The following BABAM2 variants were observed in gnomAD, a reference collection of about 807,000 sequenced individuals.
The protein encoded by BABAM2 is BRISC and BRCA1 A complex member 2.
BABAM2 carries 31 observed loss-of-function variants against 54.7 expected under a neutral mutation model. The observed-to-expected ratio is 0.57, with a 90% CI of 0.43 to 0.77. The LOEUF (loss-of-function observed/expected upper bound fraction) is 0.77, where lower values mean the gene tolerates loss of function less well. BABAM2 is among the 30% of genes least tolerant of loss of function. The pLI, the probability that BABAM2 is intolerant of heterozygous loss-of-function variation, is 0.00. For missense variants in BABAM2, 364 were observed against 455.8 expected, an observed-to-expected ratio of 0.80 and a Z score of 1.83; for synonymous variants, 167 against 162.9, an observed-to-expected ratio of 1.03 and a Z score of -0.19.
chr2:27,896,006 T>G (rs946058192), intron 2 of BABAM2: 4 of 152,174 alleles, frequency 2.6e-5, no homozygotes, highest in African/African-American at 7.2e-5. Flanking sequence ...TGGGTCCTTT[T>G]GACATATCCC....
At chr2:27,993,985 G>A (rs1365475995) in intron 4 of BABAM2, among the ~76,000 whole-genome samples, 2 of 152,174 alleles carry the variant, frequency 1.3e-5, no homozygotes, top group African/African-American at 4.8e-5. Flanking sequence ...ACGCTATCCC[G>A]ATGGATGGTG....
At chr2:28,150,326 C>G (rs921666246) in intron 7 of BABAM2, among the ~76,000 whole-genome samples, 2 of 152,198 alleles carry the variant, frequency 1.3e-5, no homozygotes, top group African/African-American at 4.8e-5. Context: ...CACATGGCTT[C>G]CTCTTGCCCT....
At chr2:28,245,465 A>AG (rs1374609637) in intron 10 of BABAM2, among the ~76,000 whole-genome samples, 1 of 152,228 alleles carries the variant, frequency 6.6e-6, no homozygotes, top group Non-Finnish European at 1.5e-5. Context: ...TCTGCGTAGT[A>AG]GGCATACCTA....
In BABAM2 at chr2:28,334,642, G is replaced by A. The variant is rs144925929; in HGVS notation, c.1089-3808G>A. 7.8e-3 allele frequency among the ~76,000 whole-genome samples: 1,194 copies of A among 152,360 alleles called. 5 individuals carry two copies. The highest frequency in any genetic ancestry group is 0.012 in the Non-Finnish European group (811 of 68,028). ...TCGATCTCAGACCCTCTGGAGAAGC[G>A]GGGCCACAAGGCTCTCTCCGGCCGC... On this transcript the variant is annotated intron_variant, in intron 11 of 11. Coordinates refer to ENST00000379624, the MANE Select transcript of BABAM2 (RefSeq NM_199191.3).
chr2:28,065,740 G>A (rs1227789578), intron 6 of BABAM2, among the ~76,000 whole-genome samples: 1 of 152,030 alleles, frequency 6.6e-6, no homozygotes. Context: ...GCCCTGCCTG[G>A]TTTTGCCTTT....
At chr2:28,334,304 G>A (rs1691219271) in intron 11 of BABAM2, among the ~76,000 whole-genome samples, 1 of 152,376 alleles carries the variant, frequency 6.6e-6, no homozygotes, top group South Asian at 2.1e-4. Flanking sequence ...GCTTGCCTCG[G>A]GACCCAGTGT....
chr2:28,333,092 G>A lies in BABAM2; in HGVS notation c.1089-5358G>A, dbSNP rs75480151. Among the ~76,000 whole-genome samples the A allele has an allele frequency of 4.6e-3, 698 of 152,030 alleles. 1 individual carries two copies. The highest frequency in any genetic ancestry group is 6.7e-3 in the Non-Finnish European group (456 of 67,970). On this transcript the variant is annotated intron_variant, in intron 11 of 11. Transcript: ENST00000379624. ...TCAGAGCCTCTTCCCCTTGGCCCCA[G>A]CGGGTACCCATGATAATAGTTGACA...
chr2:28,278,520 T>G (rs1270706983), intron 10 of BABAM2, among the ~76,000 whole-genome samples: 1 of 151,744 alleles, frequency 6.6e-6, no homozygotes, highest in African/African-American at 2.4e-5. Context: ...GAGTGGAAAT[T>G]TTAAGAGTAC....
intron 11 of BABAM2, among the ~76,000 whole-genome samples, chr2:28,327,660 C>CA (rs1407524588): frequency 6.6e-6 from 1 of 152,132 alleles, no homozygotes; most frequent in Non-Finnish European, 1.5e-5. Context: ...CTAAATATCT[C>CA]AAACGCAAGG....
chr2:28,254,207 G>C (rs1352785310), intron 10 of BABAM2, among the ~76,000 whole-genome samples: 1 of 152,094 alleles, frequency 6.6e-6, no homozygotes, highest in African/African-American at 2.4e-5. Context: ...TGTTGATCTC[G>C]GCTCATTCCA....
intron 7 of BABAM2, among the ~76,000 whole-genome samples, chr2:28,143,484 G>A (rs1671237834): frequency 2.6e-5 from 4 of 152,094 alleles, no homozygotes; most frequent in Non-Finnish European, 5.9e-5. Flanking sequence ...AATTTGCTAA[G>A]AGAGTAGATT....
At chr2:28,200,092 C>T (rs981113997) in intron 7 of BABAM2, among the ~76,000 whole-genome samples, 1 of 152,180 alleles carries the variant, frequency 6.6e-6, no homozygotes, top group African/African-American at 2.4e-5. Flanking sequence ...TCATACGTAG[C>T]TGGTTTAGAA....
At chr2:27,890,632 CG>C, upstream of BABAM2, 1 of 309,358 alleles carries the variant, frequency 3.2e-6, no homozygotes, top group South Asian at 1.0e-4. The surrounding 1 kb of genome is among the most constrained non-coding windows in gnomAD (Gnocchi z 4.8). Flanking sequence ...TCAGGCACCG[CG>C]GGGACGCCTT....
rs13412616 is a variant in BABAM2, at chr2:28,026,874, T to A, written c.495+1454T>A. Reference sequence around the variant, plus strand: ...TATTTATATATATAGATATATATATTTATATATATATAGATATATATAAAT... The same window carrying A: ...TATTTATATATATAGATATATATATATATATATATATAGATATATATAAAT... On this transcript the variant is annotated intron_variant, in intron 5 of 11. Transcript: ENST00000379624. Among the ~76,000 whole-genome samples the A allele has an allele frequency of 4.3e-3, 206 of 47,494 alleles. 5 individuals carry two copies. Among genetic ancestry groups the A allele is most frequent in the African/African-American group, 8.4e-3 (87 of 10,398 alleles). The allele number at this position is 47,494 out of a possible 152,430, so 31.2% of individuals were successfully genotyped here.
intron 5 of BABAM2, among the ~76,000 whole-genome samples, chr2:28,040,461 C>T (rs191678052): frequency 0.067 from 10,078 of 150,620 alleles, 442 homozygotes; most frequent in African/African-American, 0.14. Context: ...CCACTACGCC[C>T]GGCTAATTTT....
intron 6 of BABAM2, among the ~76,000 whole-genome samples, chr2:28,106,317 G>A (rs1438668295): frequency 6.6e-6 from 1 of 152,104 alleles, no homozygotes; most frequent in Non-Finnish European, 1.5e-5. Flanking sequence ...GAGATGAGGT[G>A]TTGCTGTAGC....
chr2:27,980,538 G>T (rs1440165491), intron 3 of BABAM2, among the ~76,000 whole-genome samples: 1 of 152,148 alleles, frequency 6.6e-6, no homozygotes. Context: ...ATTTCAAAGA[G>T]GCTGTACAGT....
chr2:28,059,939 A>T (rs1380948187), intron 6 of BABAM2, among the ~76,000 whole-genome samples: 1 of 152,220 alleles, frequency 6.6e-6, no homozygotes. Context: ...TTTAAGGAAG[A>T]AATAGTATAG....
chr2:28,035,521 G>T (rs1238669823), intron 5 of BABAM2, among the ~76,000 whole-genome samples: 1 of 152,104 alleles, frequency 6.6e-6, no homozygotes. Flanking sequence ...CTTTGAAAAG[G>T]GTGTAGTGTG....
Sources: gnomAD v4.1 joint callset for allele counts (sites outside exome capture counted in the v4.1 genomes callset) on GRCh38, gnomAD v4.1.1 for gene constraint, Gnocchi (gnomAD v3.1) non-coding constraint, MANE v1.5 for transcripts, NCBI Gene and HGNC (gene_info 2026-07-23, HGNC 2026-07-21) for gene names.